HERPUD2: variants seen among roughly 807,000 people sequenced by gnomAD.
HERPUD2 encodes the protein homocysteine-responsive endoplasmic reticulum-resident ubiquitin-like domain member 2 protein.
In HERPUD2, 13 loss-of-function variants were observed where a neutral mutation model predicts 49.9. That is an observed-to-expected ratio of 0.26 (90% CI 0.17 to 0.41). HERPUD2 has a LOEUF of 0.41. Among genes scored for constraint, HERPUD2 ranks in the 10% least tolerant of loss-of-function variants. The pLI is 1.00. For missense variants in HERPUD2, 449 were observed against 492.2 expected, an observed-to-expected ratio of 0.91 and a Z score of 0.83; for synonymous variants, 172 against 171.4, an observed-to-expected ratio of 1.00 and a Z score of -0.03.
At chr7:35,669,520 G>A (rs10085483) in intron 4 of HERPUD2, among the ~76,000 whole-genome samples, 126 of 152,148 alleles carry the variant, frequency 8.3e-4, no homozygotes, top group African/African-American at 2.9e-3. Context: ...ACCTGCAAAG[G>A]TGTCATAGAA....
chr7:35,633,906 A>AT (rs1784829262), intron 8 of HERPUD2, 55 bp from the exon 9 acceptor site: 1 of 1,513,146 alleles, frequency 6.6e-7, no homozygotes, highest in African/African-American at 1.4e-5. Flanking sequence ...GCATTAGCTC[A>AT]TAATAGAATA....
chr7:35,665,611 G>T (rs911989205), intron 5 of HERPUD2, among the ~76,000 whole-genome samples: 1 of 152,170 alleles, frequency 6.6e-6, no homozygotes, highest in African/African-American at 2.4e-5. Flanking sequence ...GCACCTATTT[G>T]TCTGGCAAGC....
chr7:35,665,666 G>A (rs777147000), intron 5 of HERPUD2, among the ~76,000 whole-genome samples: 5 of 152,174 alleles, frequency 3.3e-5, no homozygotes, highest in South Asian at 4.1e-4. Context: ...TGCAGAAATC[G>A]CCCATCTTCT....
At chr7:35,672,590 C>G (rs376598037) in intron 3 of HERPUD2, among the ~76,000 whole-genome samples, 140 of 151,952 alleles carry the variant, frequency 9.2e-4, no homozygotes, top group African/African-American at 3.3e-3. Flanking sequence ...TTCTGCTATA[C>G]CCACCAACAA....
rs1251665058 is a variant in HERPUD2 at position 35,694,371 on chromosome 7, T to C, written c.-41A>G. ...AGACAGAGTCCAGAGGAGCGGCAGTTAAGCCCAAAAGAGCCGAGATGGTCA... is the reference window on the plus strand; with the variant it reads ...AGACAGAGTCCAGAGGAGCGGCAGTCAAGCCCAAAAGAGCCGAGATGGTCA... On this transcript the variant is annotated 5_prime_UTR_variant, in exon 2 of 9. Transcript: ENST00000311350. 1.9e-6 allele frequency: 3 copies of C among 1,612,894 alleles called. No individual in the cohort carries two copies. The highest frequency in any genetic ancestry group is 2.5e-6 in the Non-Finnish European group (3 of 1,179,246).
At chr7:35,662,556 GT>G (rs1785447205) in intron 5 of HERPUD2, among the ~76,000 whole-genome samples, 1 of 152,132 alleles carries the variant, frequency 6.6e-6, no homozygotes, top group Non-Finnish European at 1.5e-5. Flanking sequence ...TTCAGAACCC[GT>G]TATTGGTCTA....
rs78836739 is a variant in HERPUD2 at position 35,633,894 on chromosome 7, G to A, written c.1060-43C>T. ...AAAGATACTCCTGAGTGATATGAAC[G>A]AGCATTAGCTCATAATAGAATACAG... On this transcript the variant is annotated intron_variant, in intron 8 of 8. Transcript: ENST00000311350. 1,272 of 1,568,876 alleles carry A rather than the reference G, an allele frequency of 8.1e-4. 11 individuals are homozygous for A. In the African/African-American group the frequency reaches 0.014, roughly 18 times the overall value.
chr7:35,650,577 T>C (rs983872045), intron 5 of HERPUD2, among the ~76,000 whole-genome samples: 1 of 152,136 alleles, frequency 6.6e-6, no homozygotes, highest in Non-Finnish European at 1.5e-5. Context: ...CTCACATCCC[T>C]GGAGCTTCAC....
intron 2 of HERPUD2, among the ~76,000 whole-genome samples, chr7:35,686,070 G>A (rs1171089181): frequency 4.6e-5 from 7 of 152,130 alleles, no homozygotes; most frequent in Non-Finnish European, 7.4e-5. Context: ...AGTTATTTTG[G>A]TATTGTAAGC....
In HERPUD2 at chr7:35,633,152, C is replaced by G. The variant is rs774606404; in HGVS notation, c.*538G>C. On this transcript the variant is annotated 3_prime_UTR_variant, in exon 9 of 9. Coordinates refer to ENST00000311350, the MANE Select transcript of HERPUD2 (RefSeq NM_022373.5). ...CCCAATCTCAGCTCACTGCAACCTC[C>G]GCCTCCTGGGTTCAGGCAATTCTCC... 1 of 151,610 alleles carries G rather than the reference C, an allele frequency of 6.6e-6. No homozygotes were observed. Among genetic ancestry groups the G allele is most frequent in the African/African-American group, 2.4e-5 (1 of 41,190 alleles). 9.4% of individuals were successfully genotyped at this position (151,610 alleles called of 1,614,324 possible).
intron 8 of HERPUD2, 129 bp downstream of exon 8, chr7:35,634,183 T>A: frequency 3.1e-6 from 2 of 653,668 alleles, no homozygotes; most frequent in Non-Finnish European, 5.5e-6. Context: ...ACAATTTATA[T>A]GTTAGTTTTC....
rs143897842 is a variant in HERPUD2 at position 35,652,109 on chromosome 7, A to G, written c.495-13637T>C. ...CTTTCAATTTTTATAAGTAACTAAA[A>G]TTTCTATACATTTCTGGAATGCCAT... On this transcript the variant is annotated intron_variant, in intron 5 of 8. Coordinates refer to ENST00000311350, the MANE Select transcript of HERPUD2 (RefSeq NM_022373.5). Among the ~76,000 whole-genome samples, 77 of 152,198 alleles carry G rather than the reference A, an allele frequency of 5.1e-4. 1 individual carries two copies. Among genetic ancestry groups the G allele is most frequent in the African/African-American group, 1.8e-3 (76 of 41,540 alleles).
intron 3 of HERPUD2, among the ~76,000 whole-genome samples, chr7:35,672,395 T>A (rs899144459): frequency 6.6e-6 from 1 of 152,010 alleles, no homozygotes; most frequent in Admixed American, 6.6e-5. Context: ...AGAAGTCACA[T>A]TGGCAAAGCT....
At chr7:35,647,596 T>C (rs1485760207) in intron 5 of HERPUD2, among the ~76,000 whole-genome samples, 1 of 152,186 alleles carries the variant, frequency 6.6e-6, no homozygotes, top group Non-Finnish European at 1.5e-5. Flanking sequence ...GAATTGTGGT[T>C]GGAGGTGGGA....
chr7:35,672,113 A>T (rs1482330466), intron 3 of HERPUD2, among the ~76,000 whole-genome samples: 1 of 152,014 alleles, frequency 6.6e-6, no homozygotes, highest in Admixed American at 6.6e-5. Flanking sequence ...ATGTATGTCA[A>T]TGTAAGCTCA....
chr7:35,692,426 G>C (rs1210803260), intron 2 of HERPUD2, among the ~76,000 whole-genome samples: 2 of 152,150 alleles, frequency 1.3e-5, no homozygotes, highest in Non-Finnish European at 2.9e-5. Flanking sequence ...TATTTGCTAT[G>C]AACAGTATTA....
In HERPUD2 at chr7:35,655,912, G is replaced by GGATTA. The variant is rs1785266042; in HGVS notation, c.494+11521_494+11522insTAATC. Among the ~76,000 whole-genome samples, 28 of 152,208 alleles carry GGATTA rather than the reference G, an allele frequency of 1.8e-4. 2 individuals carry two copies. The highest frequency in any genetic ancestry group is 1.5e-5 in the Non-Finnish European group (1 of 68,036). On this transcript the variant is annotated intron_variant, in intron 5 of 8. Coordinates refer to ENST00000311350, the MANE Select transcript of HERPUD2 (RefSeq NM_022373.5). ...GTGGTGGCTCACGCCTGTAATCCCA[G>GGATTA]CACTTTGGGAGGCCGAGGTGGGCAG...
intron 5 of HERPUD2, among the ~76,000 whole-genome samples, chr7:35,667,008 C>T (rs1350950034): frequency 2.0e-5 from 3 of 152,126 alleles, no homozygotes; most frequent in Non-Finnish European, 4.4e-5. Context: ...AACCACATTC[C>T]CCTAAACACT....
chr7:35,649,615 C>T (rs1388223266), intron 5 of HERPUD2, among the ~76,000 whole-genome samples: 1 of 151,932 alleles, frequency 6.6e-6, no homozygotes, highest in Non-Finnish European at 1.5e-5. Flanking sequence ...TGGTTTGGTC[C>T]AGAAAGGCAG....
Sources: allele counts gnomAD v4.1 joint callset (sites outside exome capture counted in the v4.1 genomes callset), GRCh38; gene constraint gnomAD v4.1.1; transcripts MANE v1.5; gene names NCBI Gene and HGNC (gene_info 2026-07-23, HGNC 2026-07-21).